Variants in CBR4 observed in about 807,000 individuals in gnomAD.
CBR4 encodes the protein 3-oxoacyl-[acyl-carrier-protein] reductase.
Under a neutral mutation model 21.0 loss-of-function variants are expected in CBR4, and 22 were observed. The ratio of observed to expected loss-of-function variants is 1.05; its 90% CI spans 0.75 to 1.50. The LOEUF is 1.50. Among genes scored for constraint, CBR4 ranks in the 40% most tolerant of loss-of-function variants. The pLI is 0.00. For missense variants in CBR4, 302 were observed against 286.3 expected (o/e 1.05, Z -0.40); for synonymous variants, 100 against 104.4 (o/e 0.96, Z 0.26).
chr4:168,907,715 C>G lies in CBR4; in HGVS notation n.170-12950G>C, dbSNP rs148827270. Among the ~76,000 whole-genome samples the G allele has an allele frequency of 1.6e-3, 238 of 152,264 alleles. 2 individuals are homozygous for G. Among genetic ancestry groups the G allele is most frequent in the Non-Finnish European group, 2.8e-3 (193 of 68,020 alleles). On this transcript the variant is annotated intron_variant and non_coding_transcript_variant, in intron 2 of 3. Transcript: ENST00000509108. ...GGTTAACCCTCTCTGGTTCTTTGCT[C>G]TACCCTTTGGAGAGAAGACAAAGCA...
intron 2 of CBR4, among the ~76,000 whole-genome samples, chr4:168,972,338 G>A (rs1205235988): frequency 6.6e-6 from 1 of 152,138 alleles, no homozygotes; most frequent in Admixed American, 6.5e-5. Context: ...TATTATGGCA[G>A]GAATTGCATT....
At chr4:168,913,981 C>G (rs947238696) in intron 2 of CBR4, 2 of 1,612,904 alleles carry the variant, frequency 1.2e-6, no homozygotes, top group South Asian at 1.1e-5. Context: ...CCAAAGAGGT[C>G]GAAGTCCCCG....
intron 2 of CBR4, among the ~76,000 whole-genome samples, chr4:168,920,863 C>A (rs1761336129): frequency 6.6e-6 from 1 of 152,106 alleles, no homozygotes; most frequent in Non-Finnish European, 1.5e-5. Flanking sequence ...TATATAAATG[C>A]CAGCTGAGTA....
rs747922882 is a variant in CBR4 at position 169,007,756 on chromosome 4, C to T, written c.143G>A (p.Gly48Glu). The T allele has an allele frequency of 1.3e-6, 2 of 1,570,342 alleles. No individual in the cohort carries two copies. The highest frequency in any genetic ancestry group is 2.7e-5 in the African/African-American group (2 of 72,940). Residue 48 changes from glycine to glutamate, a missense_variant and splice_region_variant, in exon 2 of 5, where the codon GGA becomes GAA. By Grantham distance (98) the Gly-to-Glu change is moderately conservative. Coordinates refer to ENST00000306193, the MANE Select transcript of CBR4 (RefSeq NM_032783.5). ...GAKAAAGDLG[G>E]DHLAFSCDVA... ...ATCACAGCTAAATGCCAAATGATCT[C>T]CTACACAACAAAGTTAAATAAGAAT...
At chr4:168,935,699 A>G (rs1156311727) in intron 2 of CBR4, among the ~76,000 whole-genome samples, 2 of 152,212 alleles carry the variant, frequency 1.3e-5, no homozygotes, top group Non-Finnish European at 2.9e-5. Context: ...CTGTAGCCAG[A>G]CTGCCTCTCT....
chr4:168,905,927 C>T (rs967572917), intron 2 of CBR4, among the ~76,000 whole-genome samples: 3 of 151,796 alleles, frequency 2.0e-5, no homozygotes, highest in East Asian at 1.9e-4. Flanking sequence ...AGCACCACCA[C>T]GCTCAGCTAA....
chr4:168,897,985 C>A (rs1398896812), intron 2 of CBR4: 1 of 149,530 alleles, frequency 6.7e-6, no homozygotes, highest in Non-Finnish European at 1.5e-5. Flanking sequence ...TTCTATTATT[C>A]TTTTACTATT....
At chr4:168,895,414 C>T (rs2093736696) in intron 2 of CBR4, among the ~76,000 whole-genome samples, 1 of 152,174 alleles carries the variant, frequency 6.6e-6, no homozygotes, top group African/African-American at 2.4e-5. Flanking sequence ...ACATATACGA[C>T]TTTTGACTCT....
intron 2 of CBR4, among the ~76,000 whole-genome samples, chr4:168,917,909 T>C (rs943738203): frequency 1.3e-5 from 2 of 151,684 alleles, no homozygotes; most frequent in African/African-American, 4.8e-5. Context: ...CCGAGGAAAA[T>C]GAAATCAGAG....
chr4:168,933,431 A>G (rs1412127756), intron 2 of CBR4, among the ~76,000 whole-genome samples: 1 of 152,202 alleles, frequency 6.6e-6, no homozygotes, highest in Admixed American at 6.5e-5. Flanking sequence ...ACATTATATA[A>G]TAATAAAGGT....
chr4:168,988,553 T>A lies in CBR4; in HGVS notation c.*1597A>T, dbSNP rs1395180175. On this transcript the variant is annotated 3_prime_UTR_variant, in exon 5 of 5. Coordinates refer to ENST00000306193, the MANE Select transcript of CBR4 (RefSeq NM_032783.5). ...AGAGAAACTATCTACTATGTCTGAA[T>A]AAGCTCCCCTACCTTACAAGCATCA... The A allele has an allele frequency of 3.0e-6, 3 of 985,316 alleles. No individual in the cohort carries two copies. In the African/African-American group the frequency reaches 5.2e-5, roughly 17 times the overall value. The allele number at this position is 985,316 out of a possible 1,614,324, so 61.0% of individuals were successfully genotyped here. A position where few individuals can be genotyped will look rare whatever the true frequency, so the allele number is the denominator to read the frequency against.
intron 2 of CBR4, among the ~76,000 whole-genome samples, chr4:168,957,329 A>G (rs184259721): frequency 3.9e-5 from 6 of 152,194 alleles, no homozygotes; most frequent in Middle Eastern, 6.8e-3. Context: ...ACACTAGATG[A>G]CATATGACTA....
chr4:168,973,799 C>A (rs910278423), intron 2 of CBR4, among the ~76,000 whole-genome samples: 3 of 152,242 alleles, frequency 2.0e-5, no homozygotes, highest in African/African-American at 7.2e-5. Context: ...AGGAATGTAT[C>A]TATCTCCTCT....
chr4:168,901,202 T>C (rs1020898829), intron 2 of CBR4, among the ~76,000 whole-genome samples: 4 of 152,250 alleles, frequency 2.6e-5, no homozygotes, highest in Non-Finnish European at 5.9e-5. Flanking sequence ...CCATATAAAT[T>C]ACATTAGGAT....
rs1411588431 is a variant in CBR4, at chr4:168,990,109, C to G, written c.*41G>C. ...TTGTCTAATCAGTAGCCAAAGTGTG[C>G]CCTTGATGCTAATCACCCCTATAAC... On this transcript the variant is annotated 3_prime_UTR_variant, in exon 5 of 5. Coordinates refer to ENST00000306193, the MANE Select transcript of CBR4 (RefSeq NM_032783.5). The G allele has an allele frequency of 4.1e-6, 6 of 1,478,108 alleles. No individual in the cohort carries two copies. In the East Asian group the frequency reaches 1.3e-4, roughly 31 times the overall value. 91.6% of individuals were successfully genotyped at this position (1,478,108 alleles called of 1,614,324 possible). A position where few individuals can be genotyped will look rare whatever the true frequency, so the allele number is the denominator to read the frequency against.
At chr4:168,955,521 G>T (rs2126712566) in intron 2 of CBR4, among the ~76,000 whole-genome samples, 1 of 152,260 alleles carries the variant, frequency 6.6e-6, no homozygotes, top group Admixed American at 6.5e-5. Context: ...CATATTTTAT[G>T]CTACTATAGT....
At chr4:168,983,033 A>G (rs900925846), downstream of CBR4, among the ~76,000 whole-genome samples, 1 of 152,160 alleles carries the variant, frequency 6.6e-6, no homozygotes, top group African/African-American at 2.4e-5. Context: ...AGAACAAACC[A>G]ACTCCAAAGC....
chr4:168,984,105 G>A (rs1764616844), downstream of CBR4, among the ~76,000 whole-genome samples: 2 of 151,870 alleles, frequency 1.3e-5, no homozygotes, highest in African/African-American at 2.4e-5. Flanking sequence ...ATAGGAAGAG[G>A]GGAAGTAAAA....
chr4:169,004,206 C>T (rs1342123055), intron 3 of CBR4, among the ~76,000 whole-genome samples: 1 of 152,146 alleles, frequency 6.6e-6, no homozygotes, highest in Non-Finnish European at 1.5e-5. Context: ...TTATGACTTG[C>T]CAGAAGCTCA....
Sources: allele counts gnomAD v4.1 joint callset (sites outside exome capture counted in the v4.1 genomes callset), GRCh38; gene constraint gnomAD v4.1.1; transcripts MANE v1.5; gene names NCBI Gene and HGNC (gene_info 2026-07-23, HGNC 2026-07-21).